The following SHISA9 variants were observed in gnomAD, a reference collection of about 807,000 sequenced individuals.
The protein encoded by SHISA9 is shisa family member 9.
Under a neutral mutation model 38.0 loss-of-function variants are expected in SHISA9, and 13 were observed. The observed-to-expected ratio is 0.34, with a 90% CI of 0.22 to 0.54. The LOEUF (loss-of-function observed/expected upper bound fraction) is 0.54. Among genes scored for constraint, SHISA9 ranks in the 20% least tolerant of loss-of-function variants. SHISA9 has a pLI of 0.91. For missense variants in SHISA9, 538 were observed against 575.8 expected (o/e 0.93, Z 0.67); for synonymous variants, 275 against 242.0 (o/e 1.14, Z -1.27).
At chr16:13,115,064 G>A (rs1195564350) in intron 2 of SHISA9, among the ~76,000 whole-genome samples, 4 of 151,792 alleles carry the variant, frequency 2.6e-5, no homozygotes, top group African/African-American at 9.7e-5. Flanking sequence ...TCATATTTAT[G>A]TATCTACCTG....
chr16:13,491,485 G>C, the SHISA9 span, among the ~76,000 whole-genome samples: 2 of 151,618 alleles, frequency 1.3e-5, no homozygotes, highest in African/African-American at 4.8e-5. Context: ...CTCATAAGAG[G>C]GCTGGATTTT....
At position 12,901,942 on chromosome 16, in the gene SHISA9, A is replaced by G. The variant is rs2071021140; in HGVS notation, c.-123A>G. ...CCGAGCGCCCCGCGCCGCTCCCTGC[A>G]TGTGCGGCCCGCGGCGGCTCGCAGC... On this transcript the variant is annotated 5_prime_UTR_variant, in exon 1 of 5. An upstream start codon of the reference 5' UTR is lost. Coordinates refer to ENST00000558583, the MANE Select transcript of SHISA9 (RefSeq NM_001145204.3). 2 of 733,242 alleles carry G rather than the reference A, an allele frequency of 2.7e-6. No homozygotes were observed. Among genetic ancestry groups the G allele is most frequent in the Non-Finnish European group, 3.8e-6 (2 of 532,232 alleles). The allele number at this position is 733,242 out of a possible 1,614,324, so 45.4% of individuals were successfully genotyped here.
chr16:13,448,255 G>C, the SHISA9 span, among the ~76,000 whole-genome samples: 1 of 152,166 alleles, frequency 6.6e-6, no homozygotes, highest in Admixed American at 6.5e-5. Flanking sequence ...ATGTACCCTG[G>C]TCTTTTATTC....
intron 2 of SHISA9, among the ~76,000 whole-genome samples, chr16:13,082,204 C>T (rs962882532): frequency 6.6e-5 from 10 of 152,206 alleles, no homozygotes; most frequent in African/African-American, 2.4e-4. Context: ...AGAATAGAGA[C>T]ATATCATGCA....
At chr16:13,198,270 A>G (rs932292554) in intron 2 of SHISA9, among the ~76,000 whole-genome samples, 3 of 98,846 alleles carry the variant, frequency 3.0e-5, no homozygotes, top group Admixed American at 9.7e-5. Flanking sequence ...GTATATGCAT[A>G]CATATATACT....
At chr16:13,526,269 C>G in the SHISA9 span, among the ~76,000 whole-genome samples, 1 of 152,204 alleles carries the variant, frequency 6.6e-6, no homozygotes, top group African/African-American at 2.4e-5. Context: ...GGACTTCACC[C>G]CAGAGCTTTG....
chr16:13,013,830 C>T (rs1354238651), intron 2 of SHISA9, among the ~76,000 whole-genome samples: 3 of 152,148 alleles, frequency 2.0e-5, no homozygotes, highest in African/African-American at 7.2e-5. Context: ...CGGGTTCACG[C>T]CATTCTCCTG....
At chr16:12,926,908 G>A (rs1405812895) in intron 2 of SHISA9, among the ~76,000 whole-genome samples, 1 of 152,124 alleles carries the variant, frequency 6.6e-6, no homozygotes, top group East Asian at 1.9e-4. Context: ...TGTACAAATT[G>A]CATACAGGGA....
chr16:13,555,315 G>A, the SHISA9 span, among the ~76,000 whole-genome samples: 3 of 152,160 alleles, frequency 2.0e-5, no homozygotes, highest in East Asian at 1.9e-4. Context: ...GCTTATAAAC[G>A]TTAATCCTGA....
intron 2 of SHISA9, among the ~76,000 whole-genome samples, chr16:12,920,436 A>T (rs1051579903): frequency 6.6e-6 from 1 of 152,206 alleles, no homozygotes; most frequent in Non-Finnish European, 1.5e-5. Context: ...TGATAGCACA[A>T]CAGGGTGACT....
At chr16:13,086,353 C>CA (rs767516512) in intron 2 of SHISA9, among the ~76,000 whole-genome samples, 1,096 of 50,456 alleles carry the variant, frequency 0.022, 24 homozygotes, top group African/African-American at 0.04. Flanking sequence ...GATTCCATCT[C>CA]AAAAAAAAAA....
chr16:13,471,394 C>G, the SHISA9 span, among the ~76,000 whole-genome samples: 21 of 152,184 alleles, frequency 1.4e-4, no homozygotes, highest in African/African-American at 4.6e-4. Flanking sequence ...TTAGGAAACA[C>G]CACTCTGTTT....
the SHISA9 span, among the ~76,000 whole-genome samples, chr16:13,452,216 T>C: frequency 2.0e-5 from 3 of 152,046 alleles, no homozygotes; most frequent in Non-Finnish European, 2.9e-5. Flanking sequence ...AGAGGGAGGG[T>C]GCACAGGGGT....
chr16:13,456,843 C>T, the SHISA9 span, among the ~76,000 whole-genome samples: 1 of 152,228 alleles, frequency 6.6e-6, no homozygotes, highest in East Asian at 1.9e-4. Flanking sequence ...GGGGATACTC[C>T]ATGCTTATCA....
At chr16:13,305,034 G>A in the SHISA9 span, among the ~76,000 whole-genome samples, 5 of 152,174 alleles carry the variant, frequency 3.3e-5, no homozygotes, top group Non-Finnish European at 5.9e-5. Flanking sequence ...GGGACCAGAG[G>A]TGTTTTCAAT....
chr16:13,310,696 T>TC, the SHISA9 span, among the ~76,000 whole-genome samples: 1 of 150,404 alleles, frequency 6.6e-6, no homozygotes, highest in Non-Finnish European at 1.5e-5. Context: ...TTTTTTTTTT[T>TC]TTTTTTGAGA....
chr16:13,503,370 T>C, the SHISA9 span, among the ~76,000 whole-genome samples: 1 of 152,204 alleles, frequency 6.6e-6, no homozygotes, highest in African/African-American at 2.4e-5. Flanking sequence ...CTTAAGGGCT[T>C]AAAACAATAA....
chr16:13,397,239 C>T, the SHISA9 span, among the ~76,000 whole-genome samples: 61 of 152,268 alleles, frequency 4.0e-4, no homozygotes, highest in East Asian at 8.7e-3. Flanking sequence ...GAAAAGTTCC[C>T]TTATCCCCCT....
At chr16:12,964,997 A>G (rs529541170) in intron 2 of SHISA9, among the ~76,000 whole-genome samples, 180 of 152,278 alleles carry the variant, frequency 1.2e-3, no homozygotes, top group Non-Finnish European at 2.3e-3. Context: ...TTATCCTTAT[A>G]TATATCTCCA....
Sources: allele counts gnomAD v4.1 joint callset (sites outside exome capture counted in the v4.1 genomes callset), GRCh38; gene constraint gnomAD v4.1.1; transcripts MANE v1.5; gene names NCBI Gene and HGNC (gene_info 2026-07-23, HGNC 2026-07-21).